Variants in SORCS2 observed in about 807,000 individuals in gnomAD.
SORCS2 encodes the protein VPS10 domain-containing receptor SorCS2.
In SORCS2, 100 loss-of-function variants were observed where a neutral mutation model predicts 141.6. The observed-to-expected ratio is 0.71, with a 90% CI of 0.60 to 0.83. SORCS2 has a LOEUF of 0.83. SORCS2 is among the 40% of genes least tolerant of loss of function. The probability of loss-of-function intolerance (pLI) is 0.00; values close to 1 mark genes in which losing one functional copy is unlikely to be tolerated. For synonymous variants in SORCS2, 789 were observed against 676.9 expected (o/e 1.17, Z -2.57); for missense variants, 1,646 against 1,560.2 (o/e 1.05, Z -0.93).
chr4:7,724,002 G>A, intron 19 of SORCS2, 119 bp downstream of exon 19: 2 of 1,220,664 alleles, frequency 1.6e-6, no homozygotes, highest in Non-Finnish European at 2.2e-6. Context: ...TCAGGACGGT[G>A]AACCCGAGGG....
intron 1 of SORCS2, among the ~76,000 whole-genome samples, chr4:7,362,279 G>A (rs1348750141): frequency 2.0e-5 from 3 of 152,066 alleles, no homozygotes; most frequent in Non-Finnish European, 2.9e-5. Context: ...TTTCATAGAC[G>A]AGCTTCAAGG....
At chr4:7,378,670 C>T (rs1722808275) in intron 1 of SORCS2, among the ~76,000 whole-genome samples, 1 of 152,168 alleles carries the variant, frequency 6.6e-6, no homozygotes, top group African/African-American at 2.4e-5. Context: ...GGACACAGAG[C>T]CCAACCATAG....
chr4:7,495,718 C>G (rs1731574097), intron 2 of SORCS2, among the ~76,000 whole-genome samples: 1 of 152,232 alleles, frequency 6.6e-6, no homozygotes, highest in Admixed American at 6.5e-5. Context: ...GGCCTCTCGT[C>G]TCCATGATCC....
intron 2 of SORCS2, among the ~76,000 whole-genome samples, chr4:7,444,511 C>A (rs1229064846): frequency 1.3e-5 from 2 of 152,164 alleles, no homozygotes; most frequent in African/African-American, 4.8e-5. Flanking sequence ...GGTCCTGTGG[C>A]AGCTGGGTGC....
chr4:7,423,727 G>A (rs1339593614), intron 2 of SORCS2, among the ~76,000 whole-genome samples: 2 of 152,194 alleles, frequency 1.3e-5, no homozygotes, highest in Admixed American at 1.3e-4. Context: ...CTGCCCCACG[G>A]TGAGCTCTGG....
In SORCS2 at chr4:7,470,371, T is replaced by A. The variant is rs569988743; in HGVS notation, c.549-61159T>A. 5.0e-4 allele frequency among the ~76,000 whole-genome samples: 68 copies of A among 136,944 alleles called. 1 individual carries two copies. Among genetic ancestry groups the A allele is most frequent in the African/African-American group, 2.4e-3 (67 of 28,438 alleles). 89.8% of individuals were successfully genotyped at this position (136,944 alleles called of 152,430 possible). ...CACTTATCGATCCATCCATCCATCC[T>A]TCCATCCATCCATCTATCCTTCCAT... is the stretch of plus-strand genomic sequence containing the variant. On this transcript the variant is annotated intron_variant, in intron 2 of 26. Coordinates refer to ENST00000507866, the MANE Select transcript of SORCS2 (RefSeq NM_020777.3).
chr4:7,595,665 T>C (rs1293917977), intron 3 of SORCS2, among the ~76,000 whole-genome samples: 3 of 152,160 alleles, frequency 2.0e-5, no homozygotes, highest in Non-Finnish European at 2.9e-5. Flanking sequence ...TATCTATTTC[T>C]TCTTTTGCCA....
At chr4:7,380,581 A>G (rs930992169) in intron 1 of SORCS2, among the ~76,000 whole-genome samples, 2 of 152,196 alleles carry the variant, frequency 1.3e-5, no homozygotes, top group Non-Finnish European at 2.9e-5. Context: ...CAAGGACGTC[A>G]ATGTGGTTTC....
chr4:7,601,659 T>TTTTG (rs144842622), intron 3 of SORCS2, among the ~76,000 whole-genome samples: 38,659 of 128,198 alleles, frequency 0.3, 5,646 homozygotes, highest in Middle Eastern at 0.35. Flanking sequence ...TAGCTTTGTT[T>TTTTG]TTTGTTTGTT....
At chr4:7,631,047 C>CTTTTT (rs11356756) in intron 3 of SORCS2, among the ~76,000 whole-genome samples, 6 of 131,394 alleles carry the variant, frequency 4.6e-5, no homozygotes, top group Non-Finnish European at 6.3e-5. Flanking sequence ...TTTTCCTTTT[C>CTTTTT]TTTTTTTTTT....
intron 1 of SORCS2, among the ~76,000 whole-genome samples, chr4:7,356,771 C>T (rs941057396): frequency 6.6e-6 from 1 of 152,218 alleles, no homozygotes; most frequent in Non-Finnish European, 1.5e-5. Flanking sequence ...TCTTCAGAGC[C>T]TTACAGGGCA....
chr4:7,220,054 C>T (rs1321545288), intron 1 of SORCS2, among the ~76,000 whole-genome samples: 1 of 152,230 alleles, frequency 6.6e-6, no homozygotes, highest in Non-Finnish European at 1.5e-5. Context: ...TTTAGAACAA[C>T]AGCTGCCGAC....
At chr4:7,568,333 A>C (rs1248876487) in intron 3 of SORCS2, among the ~76,000 whole-genome samples, 1 of 152,242 alleles carries the variant, frequency 6.6e-6, no homozygotes, top group Non-Finnish European at 1.5e-5. Context: ...TCCTAATAGC[A>C]TAAGTATTTA....
intron 2 of SORCS2, among the ~76,000 whole-genome samples, chr4:7,475,839 A>C (rs1227291950): frequency 3.3e-5 from 5 of 152,210 alleles, no homozygotes; most frequent in Non-Finnish European, 2.9e-5. Context: ...CAGAGAATGC[A>C]CTCAGGCCAG....
At chr4:7,311,468 TTTAG>T (rs1220625496) in intron 1 of SORCS2, among the ~76,000 whole-genome samples, 11 of 152,158 alleles carry the variant, frequency 7.2e-5, no homozygotes, top group African/African-American at 2.7e-4. Flanking sequence ...CCGGGATATG[TTTAG>T]GTTTTTCAAA....
chr4:7,362,904 A>G lies in SORCS2; in HGVS notation c.481-33384A>G, dbSNP rs989697219. 1.3e-4 allele frequency among the ~76,000 whole-genome samples: 20 copies of G among 150,744 alleles called. No homozygotes were observed. In the South Asian group the frequency reaches 2.1e-3, roughly 16 times the overall value. The stretch of plus-strand genomic sequence containing the variant: ...CTCTACCATCATTCCTACCAGCACT[A>G]TTACTATCATCATCACCATCACCAT... On this transcript the variant is annotated intron_variant, in intron 1 of 26. Transcript: ENST00000507866.
Position 7,398,779 on chromosome 4 carries a change from T to G in SORCS2, c.548+2424T>G, listed in dbSNP as rs535460732. On this transcript the variant is annotated intron_variant, in intron 2 of 26. Transcript: ENST00000507866. ...TTACGAGCCCCTGGAGTTGGTTCAC[T>G]CTAATACTTAGCTGTCCCCTTATTG... is the stretch of plus-strand genomic sequence containing the variant. Among the ~76,000 whole-genome samples, 12 of 152,356 alleles carry G rather than the reference T, an allele frequency of 7.9e-5. No homozygotes were observed. The East Asian group carries it at 1.9e-3, about 24-fold the overall frequency.
At chr4:7,580,291 G>A (rs955902592) in intron 3 of SORCS2, among the ~76,000 whole-genome samples, 2 of 152,130 alleles carry the variant, frequency 1.3e-5, no homozygotes, top group South Asian at 4.2e-4. Flanking sequence ...AGACCAGCCT[G>A]GCCAATGTGG....
intron 1 of SORCS2, among the ~76,000 whole-genome samples, chr4:7,381,116 A>C (rs1456404551): frequency 6.6e-6 from 1 of 151,158 alleles, no homozygotes; most frequent in Non-Finnish European, 1.5e-5. Flanking sequence ...GTTAATTAAC[A>C]ATGACAGCTT....
Sources: gnomAD v4.1 joint callset for allele counts (sites outside exome capture counted in the v4.1 genomes callset) on GRCh38, gnomAD v4.1.1 for gene constraint, MANE v1.5 for transcripts, NCBI Gene and HGNC (gene_info 2026-07-23, HGNC 2026-07-21) for gene names.